The following GOLGB1 variants were observed in gnomAD, a reference collection of about 807,000 sequenced individuals.
The protein encoded by GOLGB1 is golgin subfamily B member 1.
In GOLGB1, 174 loss-of-function variants were observed where a neutral mutation model predicts 336.9. That is an observed-to-expected ratio of 0.52 (90% CI 0.46 to 0.59). The LOEUF is 0.59. Ranked by LOEUF, GOLGB1 falls within the 20% of genes least tolerant of loss-of-function variation. The pLI is 0.00. For missense variants in GOLGB1, 3,331 were observed against 3,645.3 expected, an observed-to-expected ratio of 0.91 and a Z score of 2.22; for synonymous variants, 1,208 against 1,289.2, an observed-to-expected ratio of 0.94 and a Z score of 1.35.
chr3:121,679,732 G>A (rs114129050), intron 15 of GOLGB1, among the ~76,000 whole-genome samples: 66 of 152,270 alleles, frequency 4.3e-4, no homozygotes, highest in African/African-American at 1.6e-3. Flanking sequence ...GAAAAGGCCA[G>A]GTATGGAGCT....
At chr3:121,714,405 G>C (rs1430453097) in intron 10 of GOLGB1, among the ~76,000 whole-genome samples, 1 of 151,966 alleles carries the variant, frequency 6.6e-6, no homozygotes, top group Admixed American at 6.6e-5. Flanking sequence ...GAAGCTACTT[G>C]GCCATTATAT....
intron 1 of GOLGB1, among the ~76,000 whole-genome samples, chr3:121,748,477 G>A (rs1560355439): frequency 6.6e-6 from 1 of 152,192 alleles, no homozygotes. Flanking sequence ...TCATTCTGTG[G>A]TCAAGGGATG....
intron 9 of GOLGB1, among the ~76,000 whole-genome samples, chr3:121,715,512 GC>G (rs1471145155): frequency 6.6e-6 from 1 of 151,682 alleles, no homozygotes; most frequent in Non-Finnish European, 1.5e-5. Context: ...GGGAGGCCTA[GC>G]CCTAGGCATT....
intron 5 of GOLGB1, among the ~76,000 whole-genome samples, chr3:121,723,637 G>A (rs1264877285): frequency 2.0e-5 from 3 of 152,020 alleles, no homozygotes; most frequent in Non-Finnish European, 4.4e-5. Flanking sequence ...CCTATTGATG[G>A]GCATGTGAGT....
In GOLGB1 at chr3:121,697,063, G is replaced by T. The variant is rs1943011710; in HGVS notation, c.3460C>A (p.Pro1154Thr). 6.2e-7 allele frequency: 1 copy of T among 1,613,784 alleles called. No individual in the cohort carries two copies. Among genetic ancestry groups the T allele is most frequent in the South Asian group, 1.1e-5 (1 of 91,082 alleles). ...TGTTCACTACTACCTGTACAAGGTG[G>T]ACTTATCACCACTGTTTCCTTTACA... The part of the protein sequence containing the change: ...ALVKETVVIS[P>T]PCTGSSEHWK... The change falls in exon 13 of 22, where the codon CCA (proline) becomes ACA (threonine). Residue 1154 changes from proline to threonine, a missense_variant. Coordinates refer to ENST00000614479, the MANE Select transcript of GOLGB1 (RefSeq NM_001366282.2).
chr3:121,746,715 A>G (rs1360438286), intron 1 of GOLGB1, among the ~76,000 whole-genome samples: 1 of 152,066 alleles, frequency 6.6e-6, no homozygotes, highest in African/African-American at 2.4e-5. Context: ...CCTGACTCCA[A>G]GTGATCCACT....
intron 1 of GOLGB1, among the ~76,000 whole-genome samples, chr3:121,734,090 GAA>G (rs1946311295): frequency 6.6e-6 from 1 of 152,022 alleles, no homozygotes; most frequent in Non-Finnish European, 1.5e-5. Context: ...TTAAGAAAAT[GAA>G]AAGACAAGTC....
Position 121,718,493 on chromosome 3 carries a change from C to T in GOLGB1, c.780G>A (p.Arg260=), listed in dbSNP as rs976620642. The part of the protein sequence containing the change: ...DVETEMQQKL[R]VLQRKLEEHE... Reference sequence around the variant, plus strand: ...GTTCCTCAAGCTTCCTTTGCAGCACCCTCAATTTCTGAGAAGAAAACATTT... The same window carrying T: ...GTTCCTCAAGCTTCCTTTGCAGCACTCTCAATTTCTGAGAAGAAAACATTT... Residue 260 remains arginine, a synonymous_variant, in exon 8 of 22, where the codon AGG becomes AGA. Transcript: ENST00000614479. 4 of 1,609,106 alleles carry T rather than the reference C, an allele frequency of 2.5e-6. No individual in the cohort carries two copies. Among genetic ancestry groups the T allele is most frequent in the Admixed American group, 1.7e-5 (1 of 59,946 alleles).
intron 17 of GOLGB1, 138 bp from the exon 18 acceptor site, chr3:121,669,493 C>CTAT: frequency 1.7e-6 from 1 of 578,964 alleles, no homozygotes; most frequent in South Asian, 2.7e-5. Flanking sequence ...CTTTGTGTGC[C>CTAT]TTCAAAGTTG....
chr3:121,729,420 T>C (rs963505205), intron 3 of GOLGB1, 80 bp from the exon 4 acceptor site: 2 of 1,146,476 alleles, frequency 1.7e-6, no homozygotes, highest in Admixed American at 4.4e-5. Flanking sequence ...ATTTTTATTA[T>C]TATTACTTTC....
At position 121,717,075 on chromosome 3, in the gene GOLGB1, G is replaced by A. The variant is rs777169691; in HGVS notation, c.950C>T (p.Thr317Ile). 1.2e-6 allele frequency: 2 copies of A among 1,612,364 alleles called. No individual in the cohort carries two copies. Among genetic ancestry groups the A allele is most frequent in the African/African-American group, 2.7e-5 (2 of 74,864 alleles). Residue 317 changes from threonine to isoleucine, a missense_variant, in exon 9 of 22, where the codon ACA becomes ATA. Transcript: ENST00000614479. ...TAGAATCTTGGACTCCTCTCTTTCT[G>A]TTTCCACAGTGTTCCTCAAAGTATT... Reference protein sequence around the residue: ...EHNTLRNTVETEREESKILLE... With the variant: ...EHNTLRNTVEIEREESKILLE...
rs751898553 is a variant in GOLGB1, at chr3:121,695,847, T to G, written c.4676A>C (p.Glu1559Ala). The change falls in exon 13 of 22, where the codon GAA becomes GCA. Residue 1559 changes from glutamate (E) to alanine (A), a missense_variant. Glu to Ala is a moderately radical substitution (Grantham distance 107). Coordinates refer to ENST00000614479, the MANE Select transcript of GOLGB1 (RefSeq NM_001366282.2). ...LQEERDKLIT[E>A]MDRSLLENQS... ...ATTTTCCAATAAAGACCTGTCCATT[T>G]CTGTAATGAGTTTGTCTCTTTCTTC... The G allele has an allele frequency of 6.2e-7, 1 of 1,614,006 alleles. No homozygotes were observed. The highest frequency in any genetic ancestry group is 2.2e-5 in the East Asian group (1 of 44,882).
chr3:121,692,414 G>A lies in GOLGB1; in HGVS notation c.6950C>T (p.Ser2317Leu). The part of the protein sequence containing the change: ...SSQNELAKLE[S>L]ELKSLKDQLT... ...CTGGTCTTTGAGACTCTTAAGTTCTGATTCCAACTTAGCTAATTCATTCTG... is the reference window on the plus strand; with the variant it reads ...CTGGTCTTTGAGACTCTTAAGTTCTAATTCCAACTTAGCTAATTCATTCTG... The change falls in exon 14 of 22, where the codon TCA (serine) becomes TTA (leucine). Residue 2317 changes from serine to leucine, a missense_variant. Transcript: ENST00000614479. 1 of 1,613,650 alleles carries A rather than the reference G, an allele frequency of 6.2e-7. No homozygotes were observed. The highest frequency in any genetic ancestry group is 8.5e-7 in the Non-Finnish European group (1 of 1,179,894).
At chr3:121,665,165 C>T (rs996120063) in intron 20 of GOLGB1, 134 bp from the exon 21 acceptor site, 12 of 610,062 alleles carry the variant, frequency 2.0e-5, no homozygotes, top group Non-Finnish European at 2.9e-5. Context: ...CCCATAAACC[C>T]AAACCCATGC....
chr3:121,689,187 T>C (rs1942159119), intron 14 of GOLGB1, among the ~76,000 whole-genome samples: 1 of 152,052 alleles, frequency 6.6e-6, no homozygotes, highest in Non-Finnish European at 1.5e-5. Flanking sequence ...ATGATGACAA[T>C]GGCGGTTTTG....
At chr3:121,664,644 T>A in intron 21 of GOLGB1, 30 bp from the exon 22 acceptor site, 1 of 1,609,842 alleles carries the variant, frequency 6.2e-7, no homozygotes, top group East Asian at 2.2e-5. Flanking sequence ...GTCAGAGAGT[T>A]TTCACCCTAT....
At chr3:121,669,386 T>G in intron 17 of GOLGB1, 31 bp from the exon 18 acceptor site, 1 of 1,593,674 alleles carries the variant, frequency 6.3e-7, no homozygotes, top group Non-Finnish European at 8.6e-7. Flanking sequence ...AGCATCATCC[T>G]GCAGTACTGT....
In GOLGB1 at chr3:121,694,574, T is replaced by C; in HGVS notation, c.5949A>G (p.Glu1983=). The C allele has an allele frequency of 6.2e-7, 1 of 1,612,638 alleles. No individual in the cohort carries two copies. The highest frequency in any genetic ancestry group is 8.5e-7 in the Non-Finnish European group (1 of 1,179,996). ...LEEEKQQLVK[E]KTKVESEIRK... Reference sequence around the variant, plus strand: ...GTATTTCTGATTCCACCTTAGTTTTTTCCTTGACTAACTGCTGCTTTTCTT... The same window carrying C: ...GTATTTCTGATTCCACCTTAGTTTTCTCCTTGACTAACTGCTGCTTTTCTT... Residue 1983 remains glutamate (E), a synonymous_variant, in exon 13 of 22, where the codon GAA becomes GAG. Coordinates refer to ENST00000614479, the MANE Select transcript of GOLGB1 (RefSeq NM_001366282.2).
At chr3:121,670,765 G>A (rs1189861732) in intron 17 of GOLGB1, among the ~76,000 whole-genome samples, 2 of 147,722 alleles carry the variant, frequency 1.4e-5, no homozygotes, top group Admixed American at 6.7e-5. Flanking sequence ...TGGGGGGGGG[G>A]GTGTGGGAGG....
Sources: gnomAD v4.1 joint callset for allele counts (sites outside exome capture counted in the v4.1 genomes callset) on GRCh38, gnomAD v4.1.1 for gene constraint, MANE v1.5 for transcripts, NCBI Gene and HGNC (gene_info 2026-07-23, HGNC 2026-07-21) for gene names.